Variants in CEP162 observed in about 807,000 individuals in gnomAD.
CEP162 encodes centrosomal protein 162, also known as centrosomal protein of 162 kDa.
In CEP162, 141 loss-of-function variants were observed where a neutral mutation model predicts 169.2. The observed-to-expected ratio is 0.83, with a 90% CI of 0.73 to 0.96. The LOEUF (loss-of-function observed/expected upper bound fraction) is 0.96. Among genes scored for constraint, CEP162 ranks in the 40% least tolerant of loss-of-function variants. The pLI is 0.00. For synonymous variants in CEP162, 540 were observed against 526.4 expected, an observed-to-expected ratio of 1.03 and a Z score of -0.35; for missense variants, 1,600 against 1,587.2, an observed-to-expected ratio of 1.01 and a Z score of -0.14.
chr6:84,195,271 T>C (rs1562069718), intron 9 of CEP162, among the ~76,000 whole-genome samples, 196 bp from the exon 10 acceptor site: 1 of 152,260 alleles, frequency 6.6e-6, no homozygotes, highest in Non-Finnish European at 1.5e-5. Context: ...AGGCGTGTCC[T>C]GATGTGGTAA....
At chr6:84,149,962 G>A (rs1343084789) in intron 23 of CEP162, among the ~76,000 whole-genome samples, 2 of 152,042 alleles carry the variant, frequency 1.3e-5, no homozygotes, top group African/African-American at 4.8e-5. Context: ...ACCCCAACCT[G>A]AGGCTACACT....
rs545408739 is a variant in CEP162, at chr6:84,184,507, G to T, written c.1663+680C>A. Among the ~76,000 whole-genome samples the T allele has an allele frequency of 4.5e-4, 69 of 152,214 alleles. No individual in the cohort carries two copies. The South Asian group carries it at 0.014, about 31-fold the overall frequency. On this transcript the variant is annotated intron_variant, in intron 13 of 26. Coordinates refer to ENST00000403245, the MANE Select transcript of CEP162 (RefSeq NM_014895.4). ...TGCTAAACCCAAAGAGCAGTTCTCA[G>T]TCCTCATCTATCTTAATCTCTCAGC...
chr6:84,143,518 A>G (rs375075816), intron 25 of CEP162, among the ~76,000 whole-genome samples: 3 of 152,002 alleles, frequency 2.0e-5, no homozygotes, highest in East Asian at 3.8e-4. Context: ...TGTTTTCGTT[A>G]AGGGAAAAAA....
At chr6:84,193,199 C>G (rs1263591184) in intron 11 of CEP162, among the ~76,000 whole-genome samples, 1 of 152,236 alleles carries the variant, frequency 6.6e-6, no homozygotes, top group Non-Finnish European at 1.5e-5. Flanking sequence ...GACCATTTCT[C>G]TTGTGGCTAC....
At chr6:84,209,644 G>T (rs1039202811) in intron 6 of CEP162, among the ~76,000 whole-genome samples, 1 of 152,060 alleles carries the variant, frequency 6.6e-6, no homozygotes, top group Non-Finnish European at 1.5e-5. Flanking sequence ...CAAAGTGCTG[G>T]GATCACAGGT....
Position 84,134,919 on chromosome 6 carries a change from T to TACACACAC in CEP162, c.3871-8415_3871-8408dup, listed in dbSNP as rs35312098. On this transcript the variant is annotated intron_variant, in intron 25 of 26. Transcript: ENST00000403245. ...TATACTGTCATGAAAAGATCATATA[T>TACACACAC]ACACACACACACACACACACACACA... Among the ~76,000 whole-genome samples, 128 of 148,366 alleles carry TACACACAC rather than the reference T, an allele frequency of 8.6e-4. 1 individual carries two copies. The highest frequency in any genetic ancestry group is 2.8e-3 in the African/African-American group (114 of 40,366).
intron 8 of CEP162, 85 bp downstream of exon 8, chr6:84,201,652 T>C (rs1311979271): frequency 6.0e-6 from 4 of 672,210 alleles, no homozygotes; most frequent in Non-Finnish European, 7.7e-6. Flanking sequence ...CAAACACAGA[T>C]AGTGACTCAT....
intron 3 of CEP162, 77 bp downstream of exon 3, chr6:84,220,980 T>C (rs2099553522): frequency 5.5e-6 from 4 of 728,312 alleles, no homozygotes; most frequent in Admixed American, 4.7e-5. Context: ...ATATTTATAG[T>C]GAAGTAACAA....
intron 23 of CEP162, among the ~76,000 whole-genome samples, chr6:84,150,979 T>G (rs1264217935): frequency 6.6e-6 from 1 of 152,142 alleles, no homozygotes; most frequent in African/African-American, 2.4e-5. Flanking sequence ...ATTAATCCTT[T>G]CTTGGTACAT....
chr6:84,149,573 C>T lies in CEP162; in HGVS notation c.3760G>A (p.Ala1254Thr), dbSNP rs1562013808. The change falls in exon 24 of 27, where the codon GCA becomes ACA. Residue 1254 changes from alanine (A) to threonine (T), a missense_variant. Ala to Thr is a moderately conservative substitution (Grantham distance 58). Transcript: ENST00000403245. ...GATTTGTCATCTACCTCTTGAGTTGCTATTTTACGATTTAGTTCAGCTACT... is the reference window on the plus strand; with the variant it reads ...GATTTGTCATCTACCTCTTGAGTTGTTATTTTACGATTTAGTTCAGCTACT... Reference protein sequence around the residue: ...SKVAELNRKIATQEVLIRHFQ... With the variant: ...SKVAELNRKITTQEVLIRHFQ... 2 of 1,592,718 alleles carry T rather than the reference C, an allele frequency of 1.3e-6. No homozygotes were observed. Among genetic ancestry groups the T allele is most frequent in the South Asian group, 1.1e-5 (1 of 87,280 alleles).
rs1035503891 is a variant in CEP162 at position 84,222,053 on chromosome 6, GA to G, written c.58-883del. Among the ~76,000 whole-genome samples the G allele has an allele frequency of 3.8e-4, 55 of 143,196 alleles. 1 individual carries two copies. The East Asian group carries it at 4.6e-3, about 12-fold the overall frequency. 93.9% of individuals were successfully genotyped at this position (143,196 alleles called of 152,430 possible). A position where few individuals can be genotyped will look rare whatever the true frequency, so the allele number is the denominator to read the frequency against. On this transcript the variant is annotated intron_variant, in intron 2 of 26. Transcript: ENST00000403245. Reference sequence around the variant, plus strand: ...AAAAATGAGCATTCTACTCAACTTTGAAAAAAAAAAAGTAGAACAAAACAAA... The same window carrying G: ...AAAAATGAGCATTCTACTCAACTTTGAAAAAAAAAAGTAGAACAAAACAAA...
At position 84,168,662 on chromosome 6, in the gene CEP162, TA is replaced by T. The variant is rs551183592; in HGVS notation, c.2385+665del. The stretch of plus-strand genomic sequence containing the variant: ...ACATAGTTCTTAGGGACAGGGATGA[TA>T]AAAATCATGCAGTGCATGAATTACT... On this transcript the variant is annotated intron_variant, in intron 18 of 26. Coordinates refer to ENST00000403245, the MANE Select transcript of CEP162 (RefSeq NM_014895.4). Among the ~76,000 whole-genome samples the T allele has an allele frequency of 5.3e-5, 8 of 152,264 alleles. No individual in the cohort carries two copies. The South Asian group carries it at 1.7e-3, about 32-fold the overall frequency.
At chr6:84,142,607 A>AT (rs1344856206) in intron 25 of CEP162, among the ~76,000 whole-genome samples, 5 of 152,200 alleles carry the variant, frequency 3.3e-5, no homozygotes, top group African/African-American at 1.2e-4. Flanking sequence ...CTGGGATATG[A>AT]TTAGTTTAAC....
At chr6:84,180,209 C>T (rs972342046) in intron 13 of CEP162, among the ~76,000 whole-genome samples, 17 of 152,138 alleles carry the variant, frequency 1.1e-4, no homozygotes, top group African/African-American at 4.1e-4. Context: ...TCAATAAACG[C>T]AATCCAGCAT....
chr6:84,175,133 AT>A, intron 14 of CEP162, 80 bp downstream of exon 14: 1 of 1,017,074 alleles, frequency 9.8e-7, no homozygotes, highest in Non-Finnish European at 1.4e-6. Flanking sequence ...TTCAGTCCTT[AT>A]TATATTTTGT....
At chr6:84,191,623 C>T (rs533643626) in intron 11 of CEP162, among the ~76,000 whole-genome samples, 5 of 152,204 alleles carry the variant, frequency 3.3e-5, no homozygotes, top group African/African-American at 1.2e-4. Flanking sequence ...TGGTACACAA[C>T]GAGAAGCATA....
chr6:84,178,846 T>G (rs1356670623), intron 13 of CEP162, among the ~76,000 whole-genome samples: 1 of 152,130 alleles, frequency 6.6e-6, no homozygotes, highest in Non-Finnish European at 1.5e-5. Context: ...GTATGTGCTG[T>G]TCCCCTTCCT....
intron 21 of CEP162, among the ~76,000 whole-genome samples, 179 bp downstream of exon 21, chr6:84,160,633 A>G (rs2099525366): frequency 6.6e-6 from 1 of 152,184 alleles, no homozygotes; most frequent in African/African-American, 2.4e-5. Context: ...TAGTCTAAAA[A>G]TTATGTAATT....
intron 24 of CEP162, among the ~76,000 whole-genome samples, chr6:84,147,708 A>G (rs1311626642): frequency 6.6e-6 from 1 of 152,192 alleles, no homozygotes; most frequent in Non-Finnish European, 1.5e-5. Context: ...AAGTCTACAC[A>G]TTTGGAAAAA....
Sources: allele counts gnomAD v4.1 joint callset (sites outside exome capture counted in the v4.1 genomes callset), GRCh38; gene constraint gnomAD v4.1.1; transcripts MANE v1.5; gene names NCBI Gene and HGNC (gene_info 2026-07-23, HGNC 2026-07-21).